The following ABHD2 variants were observed in gnomAD, a reference collection of about 807,000 sequenced individuals.
ABHD2 encodes abhydrolase domain containing 2, acylglycerol lipase, also known as monoacylglycerol lipase ABHD2.
ABHD2 carries 20 observed loss-of-function variants against 48.1 expected under a neutral mutation model. The ratio of observed to expected loss-of-function variants is 0.42; its 90% CI spans 0.29 to 0.60. ABHD2 has a LOEUF of 0.60. Among genes scored for constraint, ABHD2 ranks in the 20% least tolerant of loss-of-function variants. The pLI is 0.24. For synonymous variants in ABHD2, 209 were observed against 214.2 expected (o/e 0.98, Z 0.21); for missense variants, 405 against 550.9 (o/e 0.74, Z 2.65).
chr15:89,160,326 G>GT (rs1378338857), intron 5 of ABHD2, among the ~76,000 whole-genome samples: 1 of 152,136 alleles, frequency 6.6e-6, no homozygotes, highest in Admixed American at 6.5e-5. Flanking sequence ...AGTTGTTGAT[G>GT]TGTGGGCTTT....
At chr15:89,058,192 C>T in the ABHD2 span, among the ~76,000 whole-genome samples, 1 of 152,120 alleles carries the variant, frequency 6.6e-6, no homozygotes, top group African/African-American at 2.4e-5. Flanking sequence ...AGATCCATTC[C>T]CCTGGCTCTC....
chr15:89,074,946 CCTT>C, the ABHD2 span, among the ~76,000 whole-genome samples: 3 of 152,172 alleles, frequency 2.0e-5, no homozygotes, highest in African/African-American at 7.2e-5. Context: ...CCTGGCTTCT[CCTT>C]AACCCTCAGG....
In ABHD2 at chr15:89,186,521, G is replaced by A. The variant is rs2238315; in HGVS notation, c.815+1005G>A. ...CTGCCCTTGCTGAGAATACTCTCCC[G>A]TTTCTCTGCTGGTGGGAACTCAGCC... On this transcript the variant is annotated intron_variant, in intron 7 of 10. Transcript: ENST00000352732. This position sits in a 1 kb window ranked among gnomAD's most constrained non-coding sequence, Gnocchi z 4.3. 0.37 allele frequency among the ~76,000 whole-genome samples: 55,782 copies of A among 151,732 alleles called. 10,528 individuals carry two copies. Among genetic ancestry groups the A allele is most frequent in the Non-Finnish European group, 0.4 (27,095 of 67,906 alleles).
chr15:89,090,823 A>G (rs1901565596), intron 1 of ABHD2, among the ~76,000 whole-genome samples: 1 of 152,084 alleles, frequency 6.6e-6, no homozygotes, highest in South Asian at 2.1e-4. Context: ...ATGGATGAAC[A>G]TTTTTAGATT....
chr15:89,099,068 C>T (rs1450668174), intron 1 of ABHD2, among the ~76,000 whole-genome samples: 1 of 152,190 alleles, frequency 6.6e-6, no homozygotes, highest in Non-Finnish European at 1.5e-5. Flanking sequence ...TCCTCAGTTT[C>T]CTTGCCTGCA....
intron 1 of ABHD2, among the ~76,000 whole-genome samples, chr15:89,096,750 G>A (rs1273421461): frequency 6.6e-6 from 1 of 152,210 alleles, no homozygotes; most frequent in Non-Finnish European, 1.5e-5. Flanking sequence ...GTTACTTATG[G>A]GTTTGGGAAA....
intron 9 of ABHD2, among the ~76,000 whole-genome samples, chr15:89,192,516 T>A (rs925045612): frequency 1.3e-5 from 2 of 152,032 alleles, no homozygotes; most frequent in East Asian, 3.8e-4. Flanking sequence ...TTTCTTTTTT[T>A]TTTTTTTTAA....
intron 3 of ABHD2, among the ~76,000 whole-genome samples, chr15:89,131,213 T>C (rs73467777): frequency 0.036 from 5,542 of 152,278 alleles, 133 homozygotes; most frequent in African/African-American, 0.071. Context: ...CAGCCCTCGC[T>C]CCTTCTTCCC....
intron 1 of ABHD2, among the ~76,000 whole-genome samples, chr15:89,107,411 A>G (rs1351420386): frequency 6.6e-6 from 1 of 152,154 alleles, no homozygotes. Flanking sequence ...TTCATTGCTA[A>G]TGAGACTTGT....
intron 3 of ABHD2, among the ~76,000 whole-genome samples, chr15:89,131,956 T>A (rs920438119): frequency 2.0e-5 from 3 of 151,924 alleles, no homozygotes; most frequent in African/African-American, 7.3e-5. Flanking sequence ...TAGGGACGAC[T>A]AAAGGAGTTA....
intron 3 of ABHD2, among the ~76,000 whole-genome samples, chr15:89,122,796 T>C (rs960725625): frequency 2.0e-5 from 3 of 152,370 alleles, no homozygotes; most frequent in South Asian, 2.1e-4. Context: ...CTGCTGCTTT[T>C]TCACTCGTTA....
rs115255465 is a variant in ABHD2, at chr15:89,121,346, G to A, written c.194+4825G>A. Among the ~76,000 whole-genome samples the A allele has an allele frequency of 5.2e-3, 793 of 152,216 alleles. 5 individuals carry two copies. Among genetic ancestry groups the A allele is most frequent in the African/African-American group, 0.018 (754 of 41,532 alleles). On this transcript the variant is annotated intron_variant, in intron 3 of 10. Transcript: ENST00000352732. ...TGGTCTTTTTAGGGGAAGGACCCTG[G>A]GAGAGGGTCCCTGACTGCAGGGTAA... is the stretch of plus-strand genomic sequence containing the variant.
chr15:89,050,562 C>T, the ABHD2 span, among the ~76,000 whole-genome samples: 2 of 152,308 alleles, frequency 1.3e-5, no homozygotes, highest in East Asian at 1.9e-4. Flanking sequence ...ACCCACTGCA[C>T]GTGTTCCCAC....
chr15:89,176,917 T>G lies in ABHD2; in HGVS notation c.722+922T>G, dbSNP rs2051023620. ...CTTTTTGCCTCACCTGTATATCTCA[T>G]GCTGCAGTTTAAACATACCTTGTTA... On this transcript the variant is annotated intron_variant, in intron 6 of 10. Transcript: ENST00000352732. The surrounding 1 kb of genome is among the most constrained non-coding windows in gnomAD (Gnocchi z 4.5). Among the ~76,000 whole-genome samples, 2 of 152,236 alleles carry G rather than the reference T, an allele frequency of 1.3e-5. No individual in the cohort carries two copies. The highest frequency in any genetic ancestry group is 4.8e-5 in the African/African-American group (2 of 41,452).
upstream of ABHD2, among the ~76,000 whole-genome samples, chr15:89,085,365 C>A (rs1180101257): frequency 2.6e-5 from 4 of 151,548 alleles, no homozygotes; most frequent in South Asian, 2.1e-4. This position sits in a 1 kb window ranked among gnomAD's most constrained non-coding sequence, Gnocchi z 4.2. Context: ...AAAATAAGTC[C>A]ATTTTGTCTC....
At chr15:89,170,909 A>G (rs2050916310) in intron 5 of ABHD2, among the ~76,000 whole-genome samples, 1 of 152,108 alleles carries the variant, frequency 6.6e-6, no homozygotes, top group Non-Finnish European at 1.5e-5. Flanking sequence ...CAAGGTCAGG[A>G]GTTCAAGACC....
chr15:89,154,918 C>T (rs1022139897), intron 4 of ABHD2, among the ~76,000 whole-genome samples: 1 of 152,176 alleles, frequency 6.6e-6, no homozygotes, highest in African/African-American at 2.4e-5. Context: ...AGTAAAATTG[C>T]TGGGTCAAAG....
At position 89,168,308 on chromosome 15, in the gene ABHD2, C is replaced by T. The variant is rs896238959; in HGVS notation, c.539-7504C>T. The stretch of plus-strand genomic sequence containing the variant: ...TCAGATTTCATCTTACTTTAAAAAG[C>T]GGCAGCAAGATTATATAGTTACCTA... On this transcript the variant is annotated intron_variant, in intron 5 of 10. Transcript: ENST00000352732. The surrounding 1 kb of genome is among the most constrained non-coding windows in gnomAD (Gnocchi z 4.8). Among the ~76,000 whole-genome samples, 4 of 152,132 alleles carry T rather than the reference C, an allele frequency of 2.6e-5. No homozygotes were observed. The highest frequency in any genetic ancestry group is 2.1e-4 in the South Asian group (1 of 4,830).
At chr15:89,069,932 G>A in the ABHD2 span, among the ~76,000 whole-genome samples, 7 of 151,860 alleles carry the variant, frequency 4.6e-5, no homozygotes, top group East Asian at 1.9e-4. Flanking sequence ...CACCTGCCTC[G>A]ACCTCCCAAA....
Sources: gnomAD v4.1 joint callset for allele counts (sites outside exome capture counted in the v4.1 genomes callset) on GRCh38, gnomAD v4.1.1 for gene constraint, Gnocchi (gnomAD v3.1) non-coding constraint, MANE v1.5 for transcripts, NCBI Gene and HGNC (gene_info 2026-07-23, HGNC 2026-07-21) for gene names.